VPS26A: variants seen among roughly 807,000 people sequenced by gnomAD.
The protein encoded by VPS26A is VPS26 retromer complex component A, also known as vacuolar protein sorting-associated protein 26A.
Under a neutral mutation model 42.4 loss-of-function variants are expected in VPS26A, and 22 were observed. The observed-to-expected ratio is 0.52, with a 90% confidence interval of 0.37 to 0.74. The LOEUF (loss-of-function observed/expected upper bound fraction) is 0.74, where lower values mean the gene tolerates loss of function less well. Ranked by LOEUF, VPS26A falls within the 30% of genes least tolerant of loss-of-function variation. The pLI is 0.00. For synonymous variants in VPS26A, 110 were observed against 123.5 expected (o/e 0.89, Z 0.73); for missense variants, 276 against 379.2 (o/e 0.73, Z 2.26).
chr10:69,124,431 G>T, intron 1 of VPS26A, 151 bp downstream of exon 1: 1 of 906,106 alleles, frequency 1.1e-6, no homozygotes, highest in Non-Finnish European at 1.4e-6. Flanking sequence ...CCCTGGGTCT[G>T]GGAAAAGCTG....
intron 1 of VPS26A, among the ~76,000 whole-genome samples, chr10:69,129,235 C>T (rs1840723730): frequency 1.3e-5 from 2 of 152,176 alleles, no homozygotes; most frequent in South Asian, 2.1e-4. Context: ...ACCCCTGTAC[C>T]CTGCTAGCTC....
Position 69,172,396 on chromosome 10 carries a change from C to T in VPS26A, c.*1127C>T, listed in dbSNP as rs1004430597. On this transcript the variant is annotated 3_prime_UTR_variant, in exon 9 of 9. Coordinates refer to ENST00000263559, the MANE Select transcript of VPS26A (RefSeq NM_004896.5). ...TGCATGGGGTCTGATCGCAAATACA[C>T]TAAATGTGGAGTGTAGGAACCAAAA... is the stretch of plus-strand genomic sequence containing the variant. 2.6e-5 allele frequency: 4 copies of T among 152,264 alleles called. No individual in the cohort carries two copies. Among genetic ancestry groups the T allele is most frequent in the Non-Finnish European group, 4.4e-5 (3 of 68,040 alleles). The allele number at this position is 152,264 out of a possible 1,614,324, so 9.4% of individuals were successfully genotyped here.
rs150500251 is a variant in VPS26A, at chr10:69,157,140, C to T, written c.363C>T (p.Tyr121=). The stretch of plus-strand genomic sequence containing the variant: ...AAGTTGAAAAGCCATATGAATCTTA[C>T]ATCGGTGCCAATGTCCGCTTGAGGT... ...FMQVEKPYES[Y]IGANVRLRYF... Residue 121 remains tyrosine, a synonymous_variant, in exon 4 of 9, where the codon TAC becomes TAT. Coordinates refer to ENST00000263559, the MANE Select transcript of VPS26A (RefSeq NM_004896.5). 540 of 1,612,744 alleles carry T rather than the reference C, an allele frequency of 3.3e-4. 2 individuals carry two copies. In the African/African-American group the frequency reaches 6.2e-3, roughly 18 times the overall value.
chr10:69,168,123 G>T (rs371151408), intron 7 of VPS26A, among the ~76,000 whole-genome samples: 1 of 152,208 alleles, frequency 6.6e-6, no homozygotes, highest in East Asian at 1.9e-4. Context: ...AAGTGGTTGA[G>T]ATCTGAAGCC....
At chr10:69,155,776 ATTG>A in intron 2 of VPS26A, 33 bp from the exon 3 acceptor site, 3 of 1,553,750 alleles carry the variant, frequency 1.9e-6, no homozygotes, top group South Asian at 2.3e-5. Context: ...CACTCATAGG[ATTG>A]TTAACATCTC....
chr10:69,148,868 G>T (rs1016030125), intron 2 of VPS26A, among the ~76,000 whole-genome samples: 2 of 149,686 alleles, frequency 1.3e-5, no homozygotes, highest in African/African-American at 4.9e-5. Context: ...CCATTCTCCT[G>T]CCTCAGCCTC....
chr10:69,152,999 C>T (rs1428056588), intron 2 of VPS26A, among the ~76,000 whole-genome samples: 1 of 147,002 alleles, frequency 6.8e-6, no homozygotes, highest in Admixed American at 6.8e-5. Context: ...TGGAAGTATG[C>T]TTTTTTGTAT....
chr10:69,169,734 G>A (rs1033130540), intron 8 of VPS26A, among the ~76,000 whole-genome samples: 1 of 151,610 alleles, frequency 6.6e-6, no homozygotes, highest in Non-Finnish European at 1.5e-5. Context: ...TCAGCCTCCC[G>A]AGTAGCTGGG....
chr10:69,143,290 T>A (rs1841083301), intron 2 of VPS26A, among the ~76,000 whole-genome samples: 1 of 152,228 alleles, frequency 6.6e-6, no homozygotes, highest in South Asian at 2.1e-4. Flanking sequence ...TTTAATTTCC[T>A]GGATCTCACC....
At chr10:69,143,867 C>T (rs1210693707) in intron 2 of VPS26A, among the ~76,000 whole-genome samples, 1 of 152,136 alleles carries the variant, frequency 6.6e-6, no homozygotes. Context: ...CAGGCACACA[C>T]CACCATGCTC....
At chr10:69,129,568 AAC>A (rs1840732864) in intron 1 of VPS26A, among the ~76,000 whole-genome samples, 1 of 151,822 alleles carries the variant, frequency 6.6e-6, no homozygotes, top group Non-Finnish European at 1.5e-5. Context: ...TTTTTTTTTA[AAC>A]AGAGTCTCAC....
chr10:69,172,100 A>G lies in VPS26A; in HGVS notation c.*831A>G, dbSNP rs879806355. ...ACTTTGAAACATATTTATATATTTC[A>G]ATTTAAGGAATCTTTTTGCCATGTG... On this transcript the variant is annotated 3_prime_UTR_variant, in exon 9 of 9. Transcript: ENST00000263559. 3 of 152,172 alleles carry G rather than the reference A, an allele frequency of 2.0e-5. No individual in the cohort carries two copies. Among genetic ancestry groups the G allele is most frequent in the Non-Finnish European group, 4.4e-5 (3 of 68,022 alleles). 9.4% of individuals were successfully genotyped at this position (152,172 alleles called of 1,614,324 possible). A position where few individuals can be genotyped will look rare whatever the true frequency, so the allele number is the denominator to read the frequency against.
At chr10:69,161,010 T>G (rs972351893) in intron 5 of VPS26A, among the ~76,000 whole-genome samples, 2 of 152,208 alleles carry the variant, frequency 1.3e-5, no homozygotes, top group Admixed American at 6.5e-5. Context: ...TAAACTCTTG[T>G]GTCTTTTAAT....
At position 69,158,246 on chromosome 10, in the gene VPS26A, A is replaced by T. The variant is rs374928650; in HGVS notation, c.551+35A>T. The T allele has an allele frequency of 5.3e-5, 80 of 1,505,310 alleles. 4 individuals are homozygous for T. The highest frequency in any genetic ancestry group is 1.4e-5 in the Non-Finnish European group (16 of 1,124,952). The allele number at this position is 1,505,310 out of a possible 1,614,324, so 93.2% of individuals were successfully genotyped here. A position where few individuals can be genotyped will look rare whatever the true frequency, so the allele number is the denominator to read the frequency against. On this transcript the variant is annotated intron_variant, in intron 5 of 8. Coordinates refer to ENST00000263559, the MANE Select transcript of VPS26A (RefSeq NM_004896.5). ...ATTCACAGATAAGTTGTTCAGAGAA[A>T]ATTCAAAAATTAACTTTTCAGGTGT...
chr10:69,132,570 G>A (rs1840808337), intron 1 of VPS26A, among the ~76,000 whole-genome samples: 1 of 151,926 alleles, frequency 6.6e-6, no homozygotes, highest in African/African-American at 2.4e-5. Flanking sequence ...AGCCTCCCGA[G>A]TAGCTGGTAT....
chr10:69,155,295 A>G (rs951485371), intron 2 of VPS26A, among the ~76,000 whole-genome samples: 15 of 152,374 alleles, frequency 9.8e-5, no homozygotes, highest in African/African-American at 3.4e-4. Flanking sequence ...ACTGAAAGTG[A>G]TACCTCAATT....
intron 2 of VPS26A, among the ~76,000 whole-genome samples, chr10:69,147,813 A>G (rs1220296672): frequency 6.6e-6 from 1 of 152,192 alleles, no homozygotes; most frequent in Non-Finnish European, 1.5e-5. Context: ...TCTGGGCTCA[A>G]GTGATCCTCC....
intron 5 of VPS26A, among the ~76,000 whole-genome samples, chr10:69,158,981 T>C (rs1841492923): frequency 6.6e-6 from 1 of 152,244 alleles, no homozygotes; most frequent in Admixed American, 6.5e-5. Context: ...CTCAGAAACA[T>C]TACTTACATG....
At chr10:69,166,739 T>C (rs1841695797) in intron 7 of VPS26A, among the ~76,000 whole-genome samples, 1 of 152,230 alleles carries the variant, frequency 6.6e-6, no homozygotes, top group South Asian at 2.1e-4. Context: ...TATGCAACAT[T>C]ACTTTGTAAA....
Sources: gnomAD v4.1 joint callset for allele counts (sites outside exome capture counted in the v4.1 genomes callset) on GRCh38, gnomAD v4.1.1 for gene constraint, MANE v1.5 for transcripts, NCBI Gene and HGNC (gene_info 2026-07-23, HGNC 2026-07-21) for gene names.